Variants in PLCB1 observed in about 807,000 individuals in gnomAD.
PLCB1 encodes the protein phospholipase C beta 1.
In PLCB1, 46 loss-of-function variants were observed where a neutral mutation model predicts 161.8. That is an observed-to-expected ratio of 0.28 (90% CI 0.22 to 0.36). The LOEUF (loss-of-function observed/expected upper bound fraction) is 0.36. Ranked by LOEUF, PLCB1 falls within the 10% of genes least tolerant of loss-of-function variation. PLCB1 has a pLI of 1.00. For missense variants in PLCB1, 1,016 were observed against 1,472.5 expected, an observed-to-expected ratio of 0.69 and a Z score of 5.07; for synonymous variants, 517 against 503.7, an observed-to-expected ratio of 1.03 and a Z score of -0.35.
chr20:8,825,423 T>C (rs1419638229), intron 31 of PLCB1, among the ~76,000 whole-genome samples: 1 of 152,094 alleles, frequency 6.6e-6, no homozygotes, highest in East Asian at 1.9e-4. Context: ...TGGTATAAGG[T>C]CTGGTAGAGT....
intron 9 of PLCB1, among the ~76,000 whole-genome samples, chr20:8,665,485 T>A (rs1414143036): frequency 6.6e-6 from 1 of 152,190 alleles, no homozygotes; most frequent in African/African-American, 2.4e-5. Context: ...CAGCCTTATT[T>A]AATGTACTGC....
intron 2 of PLCB1, among the ~76,000 whole-genome samples, chr20:8,165,352 C>T (rs1481392232): frequency 6.6e-6 from 1 of 152,186 alleles, no homozygotes; most frequent in Non-Finnish European, 1.5e-5. Context: ...TGTGGACAAA[C>T]TATCACATGA....
At chr20:8,246,224 C>T (rs1980871212) in intron 2 of PLCB1, among the ~76,000 whole-genome samples, 1 of 151,924 alleles carries the variant, frequency 6.6e-6, no homozygotes, top group Non-Finnish European at 1.5e-5. Context: ...CATATTTAGG[C>T]TCTGATTATG....
chr20:8,249,249 T>G (rs1005591800), intron 2 of PLCB1, among the ~76,000 whole-genome samples: 4 of 152,032 alleles, frequency 2.6e-5, no homozygotes, highest in Non-Finnish European at 2.9e-5. Context: ...TTAGTGGTCT[T>G]TGACGTCTTT....
chr20:8,681,373 T>G (rs1249664404), intron 9 of PLCB1, among the ~76,000 whole-genome samples: 1 of 152,004 alleles, frequency 6.6e-6, no homozygotes, highest in Admixed American at 6.6e-5. Context: ...CAGAAGACAT[T>G]AACAATAAAT....
intron 3 of PLCB1, among the ~76,000 whole-genome samples, chr20:8,627,339 T>C (rs1988383125): frequency 6.6e-6 from 1 of 151,948 alleles, no homozygotes; most frequent in Non-Finnish European, 1.5e-5. Context: ...TTTTTAAACA[T>C]CTACTATTTC....
At chr20:8,835,423 T>C (rs1385064557) in intron 31 of PLCB1, among the ~76,000 whole-genome samples, 2 of 152,192 alleles carry the variant, frequency 1.3e-5, no homozygotes, top group Non-Finnish European at 2.9e-5. Flanking sequence ...TTTTTTTTTC[T>C]GGTTATACCC....
intron 3 of PLCB1, among the ~76,000 whole-genome samples, chr20:8,551,582 A>G (rs558882787): frequency 3.7e-4 from 57 of 152,230 alleles, no homozygotes; most frequent in African/African-American, 1.3e-3. Context: ...GTCCTTTTGC[A>G]TGCTGGAGAG....
chr20:8,836,305 A>G (rs1986281357), intron 31 of PLCB1, among the ~76,000 whole-genome samples: 1 of 152,204 alleles, frequency 6.6e-6, no homozygotes, highest in Non-Finnish European at 1.5e-5. Context: ...TTTTCAATCT[A>G]TACATAATAT....
intron 2 of PLCB1, among the ~76,000 whole-genome samples, chr20:8,165,402 G>A (rs2051664981): frequency 6.6e-6 from 1 of 152,140 alleles, no homozygotes; most frequent in Non-Finnish European, 1.5e-5. Flanking sequence ...TTGCATTGAG[G>A]AAACTGAGGC....
chr20:8,247,880 G>C (rs1425594487), intron 2 of PLCB1, among the ~76,000 whole-genome samples: 1 of 151,960 alleles, frequency 6.6e-6, no homozygotes, highest in Non-Finnish European at 1.5e-5. Context: ...CCTTGGGTAA[G>C]AGCCAATGAG....
intron 2 of PLCB1, among the ~76,000 whole-genome samples, chr20:8,247,035 T>C (rs1452593879): frequency 6.6e-6 from 1 of 151,994 alleles, no homozygotes; most frequent in Non-Finnish European, 1.5e-5. Flanking sequence ...AATTCTTTAA[T>C]ACAGATGGCT....
At chr20:8,170,132 C>T (rs1009066084) in intron 2 of PLCB1, among the ~76,000 whole-genome samples, 1 of 152,100 alleles carries the variant, frequency 6.6e-6, no homozygotes, top group Non-Finnish European at 1.5e-5. Flanking sequence ...TTTTTGAGTG[C>T]CCATGATGTG....
chr20:8,301,421 A>C (rs1214159874), intron 2 of PLCB1, among the ~76,000 whole-genome samples: 2 of 152,222 alleles, frequency 1.3e-5, no homozygotes, highest in African/African-American at 2.4e-5. Context: ...TTTCTAGCAA[A>C]TTATTAATGC....
intron 15 of PLCB1, among the ~76,000 whole-genome samples, chr20:8,723,968 C>T (rs1382609760): frequency 6.6e-6 from 1 of 151,124 alleles, no homozygotes; most frequent in Non-Finnish European, 1.5e-5. Flanking sequence ...TTGGTGGTCA[C>T]CTACCTAACA....
chr20:8,543,721 G>A (rs543097882), intron 3 of PLCB1, among the ~76,000 whole-genome samples: 1 of 151,932 alleles, frequency 6.6e-6, no homozygotes, highest in Admixed American at 6.5e-5. Flanking sequence ...GTGTGTCATG[G>A]GAGGGACCTT....
intron 23 of PLCB1, chr20:8,751,587 T>A (rs1981484287): frequency 6.6e-6 from 1 of 152,242 alleles, no homozygotes; most frequent in African/African-American, 2.4e-5. Context: ...TTATATTTAA[T>A]TTTAACATTC....
In PLCB1 at chr20:8,724,658, G is replaced by T; in HGVS notation, c.1584G>T (p.Gly528=). The T allele has an allele frequency of 1.3e-6, 2 of 1,566,440 alleles. No homozygotes were observed. Among genetic ancestry groups the T allele is most frequent in the Non-Finnish European group, 1.8e-6 (2 of 1,137,868 alleles). Reference sequence around the variant, plus strand: ...TTCTTTTTTATTCCTACTTCCAGGGGACTGCTGGAAGTGAGGCTATGGCCA... The same window carrying T: ...TTCTTTTTTATTCCTACTTCCAGGGTACTGCTGGAAGTGAGGCTATGGCCA... ...DDCKKSSMDE[G]TAGSEAMATE... is the part of the protein sequence containing the mutation. Residue 528 remains glycine (G), a splice_region_variant and synonymous_variant, in exon 16 of 32, where the codon GGG becomes GGT. Coordinates refer to ENST00000338037, the MANE Select transcript of PLCB1 (RefSeq NM_015192.4).
At chr20:8,831,897 TCC>T (rs1985998908) in intron 31 of PLCB1, among the ~76,000 whole-genome samples, 1 of 130,480 alleles carries the variant, frequency 7.7e-6, no homozygotes, top group African/African-American at 2.7e-5. Context: ...TCTTTCTTTC[TCC>T]CTCTCTTTCT....
Sources: allele counts gnomAD v4.1 joint callset (sites outside exome capture counted in the v4.1 genomes callset), GRCh38; gene constraint gnomAD v4.1.1; transcripts MANE v1.5; gene names NCBI Gene and HGNC (gene_info 2026-07-23, HGNC 2026-07-21).